Variants in DCC observed in about 807,000 individuals in gnomAD.
DCC encodes netrin receptor DCC.
In DCC, 58 loss-of-function variants were observed where a neutral mutation model predicts 172.5. The observed-to-expected ratio is 0.34, with a 90% CI of 0.27 to 0.42. DCC has a LOEUF of 0.42. DCC is among the 10% of genes least tolerant of loss of function. The probability of loss-of-function intolerance (pLI) is 1.00; values close to 1 mark genes in which losing one functional copy is unlikely to be tolerated. For synonymous variants in DCC, 709 were observed against 644.5 expected, an observed-to-expected ratio of 1.10 and a Z score of -1.52; for missense variants, 1,740 against 1,791.0, an observed-to-expected ratio of 0.97 and a Z score of 0.51.
intron 1 of DCC, among the ~76,000 whole-genome samples, chr18:52,652,711 A>AGTGTGTGTGT (rs71175513): frequency 0.12 from 17,828 of 143,248 alleles, 1,235 homozygotes; most frequent in South Asian, 0.2. Flanking sequence ...ACTGCAATAA[A>AGTGTGTGTGT]GTGTGTGTGT....
intron 13 of DCC, among the ~76,000 whole-genome samples, chr18:53,319,439 AAAG>A (rs1471689679): frequency 6.6e-6 from 1 of 152,142 alleles, no homozygotes; most frequent in Non-Finnish European, 1.5e-5. Context: ...AAATGGAAAG[AAAG>A]AAGAAAAAAA....
At chr18:53,377,917 A>G (rs887346099) in intron 15 of DCC, among the ~76,000 whole-genome samples, 1 of 152,184 alleles carries the variant, frequency 6.6e-6, no homozygotes, top group Non-Finnish European at 1.5e-5. Flanking sequence ...TTCACAGAGA[A>G]TGCTCTCTGA....
chr18:52,807,634 TCA>T (rs2038113008), intron 2 of DCC, among the ~76,000 whole-genome samples: 1 of 152,066 alleles, frequency 6.6e-6, no homozygotes, highest in African/African-American at 2.4e-5. Flanking sequence ...TCATTACATA[TCA>T]GTCTGAAATA....
At chr18:52,523,806 T>A (rs1009800351) in intron 1 of DCC, among the ~76,000 whole-genome samples, 1 of 152,216 alleles carries the variant, frequency 6.6e-6, no homozygotes, top group Non-Finnish European at 1.5e-5. Flanking sequence ...TTTTAAAGTT[T>A]GTTTATTAAT....
At chr18:53,312,048 G>A (rs1599012271) in intron 13 of DCC, among the ~76,000 whole-genome samples, 1 of 151,722 alleles carries the variant, frequency 6.6e-6, no homozygotes, top group Middle Eastern at 3.4e-3. Context: ...GGTGGCTCAT[G>A]CCTGTAATCC....
At chr18:52,707,181 C>T (rs2036224828) in intron 1 of DCC, among the ~76,000 whole-genome samples, 1 of 152,190 alleles carries the variant, frequency 6.6e-6, no homozygotes. Flanking sequence ...CCCATTTCTA[C>T]TCCTTTGAAT....
At chr18:52,912,758 C>T (rs997768357) in intron 3 of DCC, among the ~76,000 whole-genome samples, 3 of 151,948 alleles carry the variant, frequency 2.0e-5, no homozygotes, top group Non-Finnish European at 2.9e-5. Context: ...AAAGGGTGGA[C>T]GACATCAGCG....
intron 11 of DCC, among the ~76,000 whole-genome samples, chr18:53,212,974 C>G (rs8086812): frequency 0.37 from 55,980 of 151,872 alleles, 11,084 homozygotes; most frequent in Non-Finnish European, 0.44. Flanking sequence ...GCCCAGCCTG[C>G]CTTTCAATTC....
chr18:52,976,264 T>C (rs1296728878), intron 5 of DCC, among the ~76,000 whole-genome samples: 1 of 152,174 alleles, frequency 6.6e-6, no homozygotes, highest in Non-Finnish European at 1.5e-5. Flanking sequence ...GTCAGATGCA[T>C]CATTTGCACA....
At chr18:53,283,732 A>G (rs2056900158) in intron 12 of DCC, among the ~76,000 whole-genome samples, 2 of 152,224 alleles carry the variant, frequency 1.3e-5, no homozygotes, top group Non-Finnish European at 1.5e-5. Flanking sequence ...GAACATGTAT[A>G]TATTTCAAAT....
chr18:52,899,129 C>A lies in DCC; in HGVS notation c.413-6915C>A, dbSNP rs148589291. 6.6e-5 allele frequency among the ~76,000 whole-genome samples: 10 copies of A among 152,022 alleles called. No individual in the cohort carries two copies. The East Asian group carries it at 1.9e-3, about 29-fold the overall frequency. On this transcript the variant is annotated intron_variant, in intron 2 of 28. Coordinates refer to ENST00000442544, the MANE Select transcript of DCC (RefSeq NM_005215.4). ...TCTGCTTTCCTGAAAAAAATCACTG[C>A]TTTTCCCTTCTCCTATTTTATTATT...
At chr18:53,333,393 A>T (rs553083192) in intron 14 of DCC, among the ~76,000 whole-genome samples, 1 of 152,350 alleles carries the variant, frequency 6.6e-6, no homozygotes, top group East Asian at 1.9e-4. Context: ...AATGATCCAT[A>T]AAATGCAGCA....
At chr18:52,429,921 T>C (rs1019560572) in intron 1 of DCC, among the ~76,000 whole-genome samples, 1 of 152,132 alleles carries the variant, frequency 6.6e-6, no homozygotes, top group Non-Finnish European at 1.5e-5. Context: ...AGAGAAATAA[T>C]GGCTTTTGAG....
intron 5 of DCC, among the ~76,000 whole-genome samples, chr18:52,962,015 C>A (rs1311550343): frequency 3.9e-5 from 6 of 152,166 alleles, no homozygotes; most frequent in South Asian, 2.1e-4. Flanking sequence ...CTAGAAGAAA[C>A]CCTAGGCAAT....
At chr18:52,519,481 G>A (rs2031742087) in intron 1 of DCC, among the ~76,000 whole-genome samples, 1 of 152,158 alleles carries the variant, frequency 6.6e-6, no homozygotes, top group African/African-American at 2.4e-5. Context: ...AAAGACATGT[G>A]CAATAGTTTA....
chr18:52,793,968 G>A (rs1272648696), intron 2 of DCC, among the ~76,000 whole-genome samples: 1 of 147,964 alleles, frequency 6.8e-6, no homozygotes, highest in Non-Finnish European at 1.5e-5. Context: ...TAATTTCTCG[G>A]TTTTCTATTA....
intron 19 of DCC, among the ~76,000 whole-genome samples, chr18:53,407,677 A>T (rs11876967): frequency 0.42 from 63,579 of 150,166 alleles, 15,280 homozygotes; most frequent in Non-Finnish European, 0.55. Context: ...ACATAGTAAT[A>T]TATGGATATT....
intron 1 of DCC, among the ~76,000 whole-genome samples, chr18:52,727,634 T>C (rs1010945676): frequency 4.6e-5 from 7 of 152,220 alleles, no homozygotes; most frequent in Non-Finnish European, 1.0e-4. Flanking sequence ...TTTTAAATTT[T>C]AATTTCTTTA....
At chr18:52,483,001 A>G (rs895074152) in intron 1 of DCC, among the ~76,000 whole-genome samples, 1 of 152,108 alleles carries the variant, frequency 6.6e-6, no homozygotes, top group African/African-American at 2.4e-5. Context: ...AGGTGATAGT[A>G]TGCTCTCCCT....
Sources: allele counts gnomAD v4.1 joint callset (sites outside exome capture counted in the v4.1 genomes callset), GRCh38; gene constraint gnomAD v4.1.1; transcripts MANE v1.5; gene names NCBI Gene and HGNC (gene_info 2026-07-23, HGNC 2026-07-21).